MLLT10: variants seen among roughly 807,000 people sequenced by gnomAD.
MLLT10 encodes the protein protein AF-10.
MLLT10 carries 30 observed loss-of-function variants against 129.1 expected under a neutral mutation model. That is an observed-to-expected ratio of 0.23 (90% confidence interval 0.17 to 0.32). MLLT10 has a LOEUF of 0.32. Ranked by LOEUF, MLLT10 falls within the 10% of genes least tolerant of loss-of-function variation. The probability of loss-of-function intolerance (pLI) is 1.00; values close to 1 mark genes in which losing one functional copy is unlikely to be tolerated. For missense variants in MLLT10, 1,119 were observed against 1,268.3 expected (o/e 0.88, Z 1.79); for synonymous variants, 490 against 446.4 (o/e 1.10, Z -1.23).
intron 4 of MLLT10, among the ~76,000 whole-genome samples, chr10:21,592,587 G>C (rs993132847): frequency 2.0e-5 from 3 of 152,118 alleles, no homozygotes; most frequent in African/African-American, 7.2e-5. Context: ...CTCCCGCGTA[G>C]CTGGGACTAC....
At chr10:21,677,696 G>C (rs74747263) in intron 11 of MLLT10, among the ~76,000 whole-genome samples, 2,284 of 152,222 alleles carry the variant, frequency 0.015, 49 homozygotes, top group African/African-American at 0.051. Context: ...CCCAGATGTG[G>C]AATCCCACAG....
chr10:21,624,886 C>T, intron 8 of MLLT10: 1 of 1,190,336 alleles, frequency 8.4e-7, no homozygotes, highest in East Asian at 2.4e-5. Flanking sequence ...CGTGGTGGTC[C>T]CAAAGGTGCC....
intron 18 of MLLT10, 132 bp downstream of exon 18, chr10:21,733,219 G>A: frequency 1.1e-6 from 1 of 872,440 alleles, no homozygotes; most frequent in South Asian, 2.3e-5. Flanking sequence ...TTTTTGAAGG[G>A]CATAAAGAAT....
chr10:21,679,274 C>G (rs950517678), intron 11 of MLLT10, among the ~76,000 whole-genome samples: 1 of 152,132 alleles, frequency 6.6e-6, no homozygotes, highest in Non-Finnish European at 1.5e-5. Context: ...CTCTTTCCTA[C>G]GTACATTTTT....
chr10:21,600,017 C>T (rs953305812), intron 5 of MLLT10, among the ~76,000 whole-genome samples: 7 of 152,162 alleles, frequency 4.6e-5, no homozygotes, highest in African/African-American at 1.4e-4. Context: ...TCCCTTCCCA[C>T]CTGGTTAGTC....
intron 8 of MLLT10, among the ~76,000 whole-genome samples, chr10:21,639,638 T>G (rs1462566255): frequency 6.6e-6 from 1 of 152,118 alleles, no homozygotes; most frequent in African/African-American, 2.4e-5. Context: ...CATGGACACC[T>G]GTGTAGAAAT....
intron 13 of MLLT10, among the ~76,000 whole-genome samples, chr10:21,701,621 C>T (rs1398060487): frequency 6.6e-6 from 1 of 152,112 alleles, no homozygotes; most frequent in Non-Finnish European, 1.5e-5. Context: ...GAGTCTTGCT[C>T]TGTCACCCAG....
At chr10:21,721,219 A>G (rs558866484) in intron 14 of MLLT10, among the ~76,000 whole-genome samples, 1 of 152,288 alleles carries the variant, frequency 6.6e-6, no homozygotes, top group East Asian at 1.9e-4. Flanking sequence ...AATGCTTGCT[A>G]TATATAACCT....
chr10:21,676,782 G>A (rs1477834753), intron 11 of MLLT10, among the ~76,000 whole-genome samples: 1 of 127,938 alleles, frequency 7.8e-6, no homozygotes, highest in Non-Finnish European at 1.6e-5. Flanking sequence ...TTTATGTCTT[G>A]TTAAAGCTAT....
At chr10:21,727,784 A>G (rs1438329332) in intron 15 of MLLT10, 72 bp from the exon 16 acceptor site, 7 of 1,195,190 alleles carry the variant, frequency 5.9e-6, no homozygotes, top group Non-Finnish European at 3.7e-6. Flanking sequence ...TTTAGGAAAA[A>G]TCAGGGCAAG....
chr10:21,714,086 T>G (rs552950964), intron 14 of MLLT10, 136 bp downstream of exon 14: 1 of 682,118 alleles, frequency 1.5e-6, no homozygotes, highest in East Asian at 2.9e-5. Flanking sequence ...ATTAATGTAT[T>G]AGTGAAAATG....
intron 8 of MLLT10, chr10:21,626,168 T>A: frequency 6.2e-7 from 1 of 1,608,936 alleles, no homozygotes; most frequent in Non-Finnish European, 8.5e-7. Context: ...ACTTTTGTTC[T>A]GAACATGTGA....
At chr10:21,562,114 T>A (rs2038894756) in intron 3 of MLLT10, among the ~76,000 whole-genome samples, 1 of 152,042 alleles carries the variant, frequency 6.6e-6, no homozygotes, top group African/African-American at 2.4e-5. Context: ...CAACACTGTT[T>A]TGATTACTGT....
chr10:21,646,512 G>T (rs1461869759), intron 8 of MLLT10, among the ~76,000 whole-genome samples: 2 of 148,588 alleles, frequency 1.3e-5, no homozygotes, highest in Admixed American at 6.7e-5. Flanking sequence ...ATGTTTTTTT[G>T]GGGGGGTAGA....
intron 13 of MLLT10, among the ~76,000 whole-genome samples, chr10:21,692,103 G>C (rs949999502): frequency 5.9e-5 from 9 of 151,830 alleles, no homozygotes; most frequent in African/African-American, 2.2e-4. Context: ...GAACTTGGGA[G>C]GCAGAGGCTG....
chr10:21,704,004 C>T (rs1273288400), intron 13 of MLLT10, among the ~76,000 whole-genome samples: 22 of 101,944 alleles, frequency 2.2e-4, no homozygotes, highest in South Asian at 7.4e-4. Context: ...TTTTGGATTT[C>T]GATTGTTTTT....
chr10:21,640,304 A>G (rs1197525021), intron 8 of MLLT10, among the ~76,000 whole-genome samples: 1 of 144,870 alleles, frequency 6.9e-6, no homozygotes, highest in Non-Finnish European at 1.5e-5. Context: ...TATATAATAT[A>G]TATGTATACA....
At chr10:21,646,785 C>T (rs756521531) in intron 8 of MLLT10, among the ~76,000 whole-genome samples, 42 of 151,584 alleles carry the variant, frequency 2.8e-4, no homozygotes, top group Non-Finnish European at 5.2e-4. Context: ...CTGAAGAGTA[C>T]ATATGTAATC....
intron 4 of MLLT10, among the ~76,000 whole-genome samples, chr10:21,589,380 A>G (rs1379191455): frequency 6.7e-6 from 1 of 148,620 alleles, no homozygotes; most frequent in Non-Finnish European, 1.5e-5. Flanking sequence ...AGGCTGAATT[A>G]CAAGTAGCAG....
Sources: gnomAD v4.1 joint callset for allele counts (sites outside exome capture counted in the v4.1 genomes callset) on GRCh38, gnomAD v4.1.1 for gene constraint, MANE v1.5 for transcripts, NCBI Gene and HGNC (gene_info 2026-07-23, HGNC 2026-07-21) for gene names.